Variants in LDLRAD4 observed in about 807,000 individuals in gnomAD.
LDLRAD4 encodes low-density lipoprotein receptor class A domain-containing protein 4.
A neutral mutation model predicts 17.0 loss-of-function variants in LDLRAD4; 5 were observed. That is an observed-to-expected ratio of 0.29 (90% CI 0.15 to 0.62). The LOEUF is 0.62. LDLRAD4 is among the 20% of genes least tolerant of loss of function. LDLRAD4 has a pLI of 0.84. For missense variants in LDLRAD4, 340 were observed against 424.7 expected (o/e 0.80, Z 1.75); for synonymous variants, 168 against 171.8 (o/e 0.98, Z 0.17).
chr18:13,312,419 A>G (rs2047290183), intron 1 of LDLRAD4, among the ~76,000 whole-genome samples: 2 of 152,180 alleles, frequency 1.3e-5, no homozygotes, highest in African/African-American at 4.8e-5. Context: ...TTCAACCTGT[A>G]TATACTTAAA....
At position 13,458,661 on chromosome 18, in the gene LDLRAD4, T is replaced by TA. The variant is rs533104911; in HGVS notation, c.181+20278dup. Among the ~76,000 whole-genome samples the TA allele has an allele frequency of 9.5e-4, 144 of 152,322 alleles. 3 individuals are homozygous for TA. In the South Asian group the frequency reaches 0.029, roughly 31 times the overall value. ...TTACTAGCAAAAGGGACTTTACAGA[T>TA]ATGACTAAGGCTAAGGACCTTGAGT... is the stretch of plus-strand genomic sequence containing the variant. On this transcript the variant is annotated intron_variant, in intron 3 of 5. Coordinates refer to ENST00000359446, the Ensembl canonical transcript of LDLRAD4.
chr18:13,410,283 A>T (rs1454831694), intron 2 of LDLRAD4, among the ~76,000 whole-genome samples: 1 of 152,172 alleles, frequency 6.6e-6, no homozygotes, highest in East Asian at 1.9e-4. Context: ...AGGCTCCTAG[A>T]TGGGATCCTG....
chr18:13,335,472 A>G (rs2082061968), intron 1 of LDLRAD4, among the ~76,000 whole-genome samples: 1 of 152,202 alleles, frequency 6.6e-6, no homozygotes, highest in South Asian at 2.1e-4. Flanking sequence ...ACTCTCCCCC[A>G]ACACTACAAT....
chr18:13,375,901 TA>T (rs2084871613), intron 1 of LDLRAD4, among the ~76,000 whole-genome samples: 2 of 152,196 alleles, frequency 1.3e-5, no homozygotes, highest in Non-Finnish European at 2.9e-5. Flanking sequence ...GTGTATTTGT[TA>T]ATTATCTAGT....
intron 1 of LDLRAD4, among the ~76,000 whole-genome samples, chr18:13,327,841 C>T (rs1183832822): frequency 1.3e-5 from 2 of 152,168 alleles, no homozygotes; most frequent in African/African-American, 4.8e-5. Flanking sequence ...CCCCTGGCCT[C>T]CTGCTTTGCT....
Position 13,577,662 on chromosome 18 carries a change from C to A in LDLRAD4, c.182-43455C>A, listed in dbSNP as rs187858828. On this transcript the variant is annotated intron_variant, in intron 3 of 5. Coordinates refer to ENST00000359446, the Ensembl canonical transcript of LDLRAD4. ...GGAGCTCTGTGTGCGGCGTCTCTAG[C>A]ATTGCACAGTCCTCTTTAATGAATA... Among the ~76,000 whole-genome samples, 18 of 152,328 alleles carry A rather than the reference C, an allele frequency of 1.2e-4. No individual in the cohort carries two copies. The East Asian group carries it at 2.7e-3, about 23-fold the overall frequency.
In LDLRAD4 at chr18:13,384,885, A is replaced by C. The variant is rs77548694; in HGVS notation, c.-382-2456A>C. 7.0e-3 allele frequency among the ~76,000 whole-genome samples: 1,061 copies of C among 152,320 alleles called. 7 individuals are homozygous for C. Among genetic ancestry groups the C allele is most frequent in the Middle Eastern group, 0.017 (5 of 294 alleles). On this transcript the variant is annotated intron_variant, in intron 1 of 5. Transcript: ENST00000359446. ...CCATGTTGTCTTTATGTGTTCATCC[A>C]CTGAAGGACACTTAGGTTGCTTCCG... is the stretch of plus-strand genomic sequence containing the variant.
intron 2 of LDLRAD4, among the ~76,000 whole-genome samples, chr18:13,422,577 A>G (rs1445412838): frequency 2.7e-5 from 4 of 150,206 alleles, no homozygotes; most frequent in African/African-American, 9.8e-5. Context: ...CTGTGCCTGT[A>G]GTCCCAGCTA....
intron 1 of LDLRAD4, among the ~76,000 whole-genome samples, chr18:13,248,099 T>G (rs1945512473): frequency 6.6e-6 from 1 of 152,006 alleles, no homozygotes; most frequent in African/African-American, 2.4e-5. Context: ...TAGCTGGGAT[T>G]ACAGGCGTGT....
At chr18:13,349,493 G>A (rs1425770037) in intron 1 of LDLRAD4, among the ~76,000 whole-genome samples, 1 of 152,108 alleles carries the variant, frequency 6.6e-6, no homozygotes, top group Non-Finnish European at 1.5e-5. Flanking sequence ...ATTTCCACGA[G>A]GCTCCAAGTT....
chr18:13,418,707 TG>T (rs1420507100), intron 2 of LDLRAD4, among the ~76,000 whole-genome samples: 1 of 152,256 alleles, frequency 6.6e-6, no homozygotes, highest in Non-Finnish European at 1.5e-5. Flanking sequence ...TATGATTTGC[TG>T]GCACTGCTTG....
intron 3 of LDLRAD4, among the ~76,000 whole-genome samples, chr18:13,497,127 A>C (rs2093485854): frequency 6.6e-6 from 1 of 152,186 alleles, no homozygotes; most frequent in Non-Finnish European, 1.5e-5. Flanking sequence ...TAAAGTGGAG[A>C]CTGCTTAGTT....
Position 13,387,592 on chromosome 18 carries a change from T to C in LDLRAD4, c.-131T>C, listed in dbSNP as rs939840883. The C allele has an allele frequency of 6.1e-6, 5 of 819,932 alleles. No individual in the cohort carries two copies. Among genetic ancestry groups the C allele is most frequent in the Non-Finnish European group, 1.0e-5 (5 of 492,942 alleles). The allele number at this position is 819,932 out of a possible 1,614,324, so 50.8% of individuals were successfully genotyped here. On this transcript the variant is annotated 5_prime_UTR_variant, in exon 2 of 6. The change abolishes an upstream ATG in the 5' untranslated region. Coordinates refer to ENST00000359446, the Ensembl canonical transcript of LDLRAD4. ...GAGAGCCGGGCAGGTGGGCCGCGGA[T>C]GCTCCCAGAGGCCGGCCCAGCAGAG...
chr18:13,352,856 G>A (rs1003588772), intron 1 of LDLRAD4, among the ~76,000 whole-genome samples: 2 of 151,940 alleles, frequency 1.3e-5, no homozygotes, highest in Non-Finnish European at 2.9e-5. Flanking sequence ...ACCTGTTTGA[G>A]TTTGCTGTTG....
chr18:13,532,114 G>T (rs1465768336), intron 3 of LDLRAD4, among the ~76,000 whole-genome samples: 1 of 152,224 alleles, frequency 6.6e-6, no homozygotes, highest in African/African-American at 2.4e-5. Flanking sequence ...GCAGGGCTGG[G>T]GACAGCCGAT....
chr18:13,531,715 G>T (rs1358174141), intron 3 of LDLRAD4, among the ~76,000 whole-genome samples: 2 of 151,882 alleles, frequency 1.3e-5, no homozygotes, highest in African/African-American at 4.8e-5. Flanking sequence ...TGCTCTTTGG[G>T]CTGGAACCCT....
chr18:13,381,076 G>GTTTTTTTTTTTTTTT, intron 1 of LDLRAD4, among the ~76,000 whole-genome samples: 1 of 128,486 alleles, frequency 7.8e-6, no homozygotes. Flanking sequence ...TTTCTCTTTA[G>GTTTTTTTTTTTTTTT]TTTTTTTTTT....
intron 3 of LDLRAD4, among the ~76,000 whole-genome samples, chr18:13,548,488 G>C (rs1206202686): frequency 6.6e-6 from 1 of 152,248 alleles, no homozygotes; most frequent in Non-Finnish European, 1.5e-5. Context: ...AAGGGGCTGG[G>C]ATGTCAGTGC....
At chr18:13,347,766 C>G (rs886114109) in intron 1 of LDLRAD4, among the ~76,000 whole-genome samples, 2 of 152,136 alleles carry the variant, frequency 1.3e-5, no homozygotes, top group South Asian at 4.1e-4. Flanking sequence ...AGGCTTTGTT[C>G]ATTTCTTTTT....
Sources: allele counts gnomAD v4.1 joint callset (sites outside exome capture counted in the v4.1 genomes callset), GRCh38; gene constraint gnomAD v4.1.1; transcripts MANE v1.5; gene names NCBI Gene and HGNC (gene_info 2026-07-23, HGNC 2026-07-21).